BBS9: variants seen among roughly 807,000 people sequenced by gnomAD.
BBS9 encodes Bardet-Biedl syndrome 9, also known as protein PTHB1.
In BBS9, 89 loss-of-function variants were observed where a neutral mutation model predicts 117.7. The ratio of observed to expected loss-of-function variants is 0.76; its 90% CI spans 0.64 to 0.90. The LOEUF (loss-of-function observed/expected upper bound fraction) is 0.90, where lower values mean the gene tolerates loss of function less well. Among genes scored for constraint, BBS9 ranks in the 40% least tolerant of loss-of-function variants. The probability of loss-of-function intolerance (pLI) is 0.00; values close to 1 mark genes in which losing one functional copy is unlikely to be tolerated. For synonymous variants in BBS9, 379 were observed against 370.9 expected, an observed-to-expected ratio of 1.02 and a Z score of -0.25; for missense variants, 982 against 1,042.2, an observed-to-expected ratio of 0.94 and a Z score of 0.80.
chr7:33,484,930 T>C (rs1293679498), intron 19 of BBS9, among the ~76,000 whole-genome samples: 1 of 152,212 alleles, frequency 6.6e-6, no homozygotes, highest in Non-Finnish European at 1.5e-5. Context: ...AAATAAAATG[T>C]TGTATATATA....
intron 19 of BBS9, among the ~76,000 whole-genome samples, chr7:33,406,399 C>G (rs1227399891): frequency 1.3e-5 from 2 of 151,980 alleles, no homozygotes; most frequent in African/African-American, 2.4e-5. Flanking sequence ...ATTTGCTAGT[C>G]TGTGTCTTTT....
chr7:33,305,260 G>A (rs1216990135), intron 9 of BBS9, among the ~76,000 whole-genome samples: 3 of 151,680 alleles, frequency 2.0e-5, no homozygotes, highest in African/African-American at 7.3e-5. Flanking sequence ...AATCCCACTT[G>A]GTCCTAATGA....
intron 9 of BBS9, among the ~76,000 whole-genome samples, chr7:33,324,249 G>C (rs1812351949): frequency 6.6e-6 from 1 of 151,998 alleles, no homozygotes. Flanking sequence ...TTACCATGAG[G>C]CTTGCAAATA....
intron 19 of BBS9, among the ~76,000 whole-genome samples, chr7:33,426,745 G>A (rs911775283): frequency 1.3e-5 from 2 of 152,066 alleles, no homozygotes; most frequent in African/African-American, 4.8e-5. Flanking sequence ...TGAGAGGAGC[G>A]GTCAGGGAGA....
At chr7:33,396,747 C>G (rs1053665441) in intron 19 of BBS9, among the ~76,000 whole-genome samples, 1 of 152,186 alleles carries the variant, frequency 6.6e-6, no homozygotes, top group African/African-American at 2.4e-5. Context: ...CACCTGACTT[C>G]AAACTATCCT....
rs746600699 is a variant in BBS9 at position 33,534,002 on chromosome 7, T to C, written c.2347T>C (p.Cys783Arg). 1 of 1,614,252 alleles carries C rather than the reference T, an allele frequency of 6.2e-7. No homozygotes were observed. Among genetic ancestry groups the C allele is most frequent in the South Asian group, 1.1e-5 (1 of 91,084 alleles). The change falls in exon 21 of 23, where the codon TGC (cysteine) becomes CGC (arginine). Residue 783 changes from cysteine to arginine, a missense_variant. Physicochemically the swap from Cys to Arg is radical, Grantham distance 180. Coordinates refer to ENST00000242067, the MANE Select transcript of BBS9 (RefSeq NM_198428.3). ...CGCCATTTCCCACCTGTTGAAGACT[T>C]GCCTGTCGAAGAGTTCTAAGGAGCA... The part of the protein sequence containing the change: ...DAAISHLLKT[C>R]LSKSSKEQAL...
At chr7:33,467,650 A>T (rs1295944257) in intron 19 of BBS9, among the ~76,000 whole-genome samples, 1 of 151,778 alleles carries the variant, frequency 6.6e-6, no homozygotes, top group Non-Finnish European at 1.5e-5. Context: ...TAAGGACACA[A>T]ATTGCACATA....
In BBS9 at chr7:33,383,709, C is replaced by T. The variant is rs902126821; in HGVS notation, c.1833C>T (p.Leu611=). Residue 611 remains leucine (L), a synonymous_variant, in exon 18 of 23, where the codon CTC becomes CTT. Coordinates refer to ENST00000242067, the MANE Select transcript of BBS9 (RefSeq NM_198428.3). ...IQSEQFEDLW[L]ITNELILRLQ... is the part of the protein sequence containing the mutation. ...GTGAACAATTTGAAGATCTTTGGCTCATAACCAATGAGCTTATTCTTCGCC... is the reference window on the plus strand; with the variant it reads ...GTGAACAATTTGAAGATCTTTGGCTTATAACCAATGAGCTTATTCTTCGCC... 6.2e-7 allele frequency: 1 copy of T among 1,610,930 alleles called. No homozygotes were observed. The highest frequency in any genetic ancestry group is 8.5e-7 in the Non-Finnish European group (1 of 1,178,276).
At chr7:33,611,595 A>T (rs1327163044) in intron 21 of BBS9, among the ~76,000 whole-genome samples, 5 of 103,672 alleles carry the variant, frequency 4.8e-5, no homozygotes, top group South Asian at 3.0e-4. Context: ...TTATATAATA[A>T]TATTATTTAA....
At chr7:33,601,069 C>T (rs1863719996) in intron 21 of BBS9, among the ~76,000 whole-genome samples, 1 of 152,210 alleles carries the variant, frequency 6.6e-6, no homozygotes, top group African/African-American at 2.4e-5. Flanking sequence ...GAAAAGCACA[C>T]ATTACTATCA....
At chr7:33,504,889 C>A (rs184771295) in intron 19 of BBS9, among the ~76,000 whole-genome samples, 1 of 150,982 alleles carries the variant, frequency 6.6e-6, no homozygotes, top group East Asian at 1.9e-4. Flanking sequence ...GGGCTGGTGC[C>A]TGATATTTGT....
At position 33,586,685 on chromosome 7, in the gene BBS9, C is replaced by T. The variant is rs534762598; in HGVS notation, c.2522-18180C>T. ...TGGATTGGATAAAGAAAATGTGGTA[C>T]ATATGCACCATGGAGTACTATGTAG... is the stretch of plus-strand genomic sequence containing the variant. On this transcript the variant is annotated intron_variant, in intron 21 of 22. Transcript: ENST00000242067. Among the ~76,000 whole-genome samples the T allele has an allele frequency of 3.4e-4, 52 of 152,226 alleles. 1 individual carries two copies. The highest frequency in any genetic ancestry group is 3.4e-3 in the Middle Eastern group (1 of 294).
At chr7:33,390,125 T>G (rs1826807430) in intron 19 of BBS9, 1 of 368,990 alleles carries the variant, frequency 2.7e-6, no homozygotes, top group African/African-American at 2.2e-5. Context: ...TTTTCCCATT[T>G]CTTTGTTCAC....
chr7:33,150,621 T>G lies in BBS9; in HGVS notation c.113-2080T>G, dbSNP rs150744830. ...ATCCAGTTTGTCAGTATACAGTGAT[T>G]TATTAGGTGAACTTATGGGCAGAAA... On this transcript the variant is annotated intron_variant, in intron 2 of 22. Coordinates refer to ENST00000242067, the MANE Select transcript of BBS9 (RefSeq NM_198428.3). 2.8e-4 allele frequency among the ~76,000 whole-genome samples: 43 copies of G among 152,236 alleles called. No individual in the cohort carries two copies. The East Asian group carries it at 8.1e-3, about 29-fold the overall frequency.
chr7:33,527,999 A>G (rs1849913155), intron 20 of BBS9, among the ~76,000 whole-genome samples: 1 of 152,240 alleles, frequency 6.6e-6, no homozygotes, highest in African/African-American at 2.4e-5. Flanking sequence ...GATTAGCTTT[A>G]GATATAATAT....
intron 15 of BBS9, among the ~76,000 whole-genome samples, chr7:33,355,053 C>A (rs973661744): frequency 6.6e-6 from 1 of 151,968 alleles, no homozygotes; most frequent in Non-Finnish European, 1.5e-5. Flanking sequence ...GACTACTTTG[C>A]CAACTATAGA....
Position 33,525,424 on chromosome 7 carries a change from T to G in BBS9, c.2299-8530T>G, listed in dbSNP as rs373935360. On this transcript the variant is annotated intron_variant, in intron 20 of 22. Coordinates refer to ENST00000242067, the MANE Select transcript of BBS9 (RefSeq NM_198428.3). ...CACTCAGGACTTGCTTTATGAATCT[T>G]GGTGCTCCTGTATTGGGTGCATATA... 7.9e-3 allele frequency among the ~76,000 whole-genome samples: 720 copies of G among 91,384 alleles called. 5 individuals carry two copies. The highest frequency in any genetic ancestry group is 8.1e-3 in the Non-Finnish European group (371 of 45,730). 60.0% of individuals were successfully genotyped at this position (91,384 alleles called of 152,430 possible). A position where few individuals can be genotyped will look rare whatever the true frequency, so the allele number is the denominator to read the frequency against.
chr7:33,473,400 T>C (rs535800175), intron 19 of BBS9, among the ~76,000 whole-genome samples: 19 of 138,670 alleles, frequency 1.4e-4, no homozygotes, highest in African/African-American at 5.0e-4. Context: ...CTTGGCTCAC[T>C]GCAACTTCCG....
At chr7:33,554,409 G>T (rs961311908) in intron 21 of BBS9, among the ~76,000 whole-genome samples, 2 of 152,120 alleles carry the variant, frequency 1.3e-5, no homozygotes, top group African/African-American at 2.4e-5. Flanking sequence ...TATGGCAATG[G>T]AGATAGAAGT....
Sources: gnomAD v4.1 joint callset for allele counts (sites outside exome capture counted in the v4.1 genomes callset) on GRCh38, gnomAD v4.1.1 for gene constraint, MANE v1.5 for transcripts, NCBI Gene and HGNC (gene_info 2026-07-23, HGNC 2026-07-21) for gene names.